The following ABTB3 variants were observed in gnomAD, a reference collection of about 807,000 sequenced individuals.
The protein encoded by ABTB3 is ankyrin repeat- and BTB/POZ domain-containing protein 3.
At chr12:107,632,620 AAC>A in the ABTB3 span, among the ~76,000 whole-genome samples, 1 of 152,198 alleles carries the variant, frequency 6.6e-6, no homozygotes, top group African/African-American at 2.4e-5. Context: ...GGCGTAAGGC[AAC>A]ACCTGTTTAT....
At chr12:107,525,700 C>T in the ABTB3 span, among the ~76,000 whole-genome samples, 1 of 152,240 alleles carries the variant, frequency 6.6e-6, no homozygotes, top group Admixed American at 6.5e-5. Flanking sequence ...GGGACTTCTC[C>T]TGGTAACCCT....
the ABTB3 span, among the ~76,000 whole-genome samples, chr12:107,536,135 A>G: frequency 2.0e-5 from 3 of 152,108 alleles, no homozygotes; most frequent in Admixed American, 2.0e-4. Context: ...AACATATATT[A>G]GGGAAAGGAC....
At chr12:107,638,978 G>A in the ABTB3 span, among the ~76,000 whole-genome samples, 3 of 152,208 alleles carry the variant, frequency 2.0e-5, no homozygotes, top group South Asian at 2.1e-4. Context: ...TACAGCAGGG[G>A]TGCATATGCT....
At chr12:107,435,558 G>A in the ABTB3 span, among the ~76,000 whole-genome samples, 1 of 152,214 alleles carries the variant, frequency 6.6e-6, no homozygotes, top group African/African-American at 2.4e-5. Context: ...CATGCAGTTG[G>A]TGCAGGGCCT....
At chr12:107,388,055 C>G in the ABTB3 span, among the ~76,000 whole-genome samples, 3 of 149,292 alleles carry the variant, frequency 2.0e-5, no homozygotes, top group African/African-American at 7.4e-5. Context: ...TCACTGCAAC[C>G]TCTGCCTCTC....
At chr12:107,658,780 C>G in the ABTB3 span, 2 of 152,530 alleles carry the variant, frequency 1.3e-5, no homozygotes, top group African/African-American at 2.4e-5. Context: ...TACTATTAAT[C>G]CCAGAGTTTT....
chr12:107,453,812 G>A, the ABTB3 span, among the ~76,000 whole-genome samples: 40 of 152,206 alleles, frequency 2.6e-4, no homozygotes, highest in African/African-American at 9.2e-4. Flanking sequence ...TACCAACGAG[G>A]AGATGAGAAA....
At chr12:107,496,435 G>T in the ABTB3 span, among the ~76,000 whole-genome samples, 1 of 152,136 alleles carries the variant, frequency 6.6e-6, no homozygotes, top group Non-Finnish European at 1.5e-5. Context: ...GAGGGCAGGG[G>T]ATATAAAGAT....
chr12:107,435,208 GGAAATAGAATCA>G, the ABTB3 span, among the ~76,000 whole-genome samples: 1 of 152,208 alleles, frequency 6.6e-6, no homozygotes, highest in African/African-American at 2.4e-5. Flanking sequence ...ATGTGTTTAT[GGAAATAGAATCA>G]GTGCGTACCC....
chr12:107,561,185 G>A, the ABTB3 span, among the ~76,000 whole-genome samples: 3 of 152,158 alleles, frequency 2.0e-5, no homozygotes, highest in South Asian at 2.1e-4. Flanking sequence ...ATAGAATCCC[G>A]CCCTCTCCTT....
chr12:107,480,757 G>A, the ABTB3 span, among the ~76,000 whole-genome samples: 1 of 152,110 alleles, frequency 6.6e-6, no homozygotes, highest in Non-Finnish European at 1.5e-5. Context: ...GATTGGTCAT[G>A]GGAGATGGCC....
the ABTB3 span, among the ~76,000 whole-genome samples, chr12:107,431,053 G>A: frequency 6.6e-6 from 1 of 152,188 alleles, no homozygotes; most frequent in Non-Finnish European, 1.5e-5. Flanking sequence ...ACAGGCACAT[G>A]TTTGTGCTTT....
chr12:107,578,536 G>C, the ABTB3 span, among the ~76,000 whole-genome samples: 1 of 152,062 alleles, frequency 6.6e-6, no homozygotes, highest in East Asian at 1.9e-4. Flanking sequence ...AGGGACTCAG[G>C]GTTGTGGACT....
the ABTB3 span, among the ~76,000 whole-genome samples, chr12:107,364,889 G>A: frequency 6.6e-6 from 1 of 152,150 alleles, no homozygotes; most frequent in Non-Finnish European, 1.5e-5. Flanking sequence ...TTCCTTTGAA[G>A]ATTTGATCTA....
At chr12:107,535,775 A>G in the ABTB3 span, among the ~76,000 whole-genome samples, 1 of 152,222 alleles carries the variant, frequency 6.6e-6, no homozygotes, top group Non-Finnish European at 1.5e-5. Flanking sequence ...GAAAATGGAA[A>G]GACATTCCAT....
the ABTB3 span, among the ~76,000 whole-genome samples, chr12:107,474,189 G>A: frequency 1.6e-4 from 24 of 152,102 alleles, no homozygotes; most frequent in Non-Finnish European, 3.2e-4. Flanking sequence ...ATCTGGGAGC[G>A]GAATGGCTGA....
chr12:107,413,555 G>GTTTT, the ABTB3 span, among the ~76,000 whole-genome samples: 1 of 152,162 alleles, frequency 6.6e-6, no homozygotes, highest in Non-Finnish European at 1.5e-5. Context: ...TATGAAAAAA[G>GTTTT]TGATTAACAT....
At chr12:107,644,740 C>G in the ABTB3 span, among the ~76,000 whole-genome samples, 2 of 152,112 alleles carry the variant, frequency 1.3e-5, no homozygotes, top group African/African-American at 4.8e-5. Context: ...ACCCTTTACC[C>G]TCAAGCAGGC....
At chr12:107,400,429 C>T in the ABTB3 span, among the ~76,000 whole-genome samples, 2 of 152,138 alleles carry the variant, frequency 1.3e-5, no homozygotes, top group African/African-American at 2.4e-5. Flanking sequence ...CCCTTATATA[C>T]AGGTGGGTTT....
Sources: gnomAD v4.1 joint callset for allele counts (sites outside exome capture counted in the v4.1 genomes callset) on GRCh38, gnomAD v4.1.1 for gene constraint, MANE v1.5 for transcripts, NCBI Gene and HGNC (gene_info 2026-07-23, HGNC 2026-07-21) for gene names.